The following LIMA1 variants were observed in gnomAD, a reference collection of about 807,000 sequenced individuals.
LIMA1 encodes LIM domain and actin binding 1, also known as LIM domain and actin-binding protein 1.
Under a neutral mutation model 62.6 loss-of-function variants are expected in LIMA1, and 52 were observed. The ratio of observed to expected loss-of-function variants is 0.83; its 90% confidence interval spans 0.67 to 1.05. The LOEUF is 1.05. Ranked by LOEUF, LIMA1 falls within the 50% of genes least tolerant of loss-of-function variation. LIMA1 has a pLI of 0.00. For missense variants in LIMA1, 780 were observed against 902.2 expected (o/e 0.86, Z 1.74); for synonymous variants, 302 against 317.8 (o/e 0.95, Z 0.53).
At chr12:50,212,752 A>C (rs1217222331) in intron 4 of LIMA1, among the ~76,000 whole-genome samples, 1 of 152,248 alleles carries the variant, frequency 6.6e-6, no homozygotes, top group African/African-American at 2.4e-5. Flanking sequence ...ATATATAAGA[A>C]TAAACAATAA....
At chr12:50,266,770 A>T (rs756691615) in intron 1 of LIMA1, among the ~76,000 whole-genome samples, 1 of 152,152 alleles carries the variant, frequency 6.6e-6, no homozygotes, top group Non-Finnish European at 1.5e-5. Flanking sequence ...AGTAATAAGC[A>T]TTATTTTTAT....
At chr12:50,187,143 C>G (rs1290848286) in intron 9 of LIMA1, 1 of 152,194 alleles carries the variant, frequency 6.6e-6, no homozygotes, top group Non-Finnish European at 1.5e-5. Context: ...TGATTACCAT[C>G]TACTTAAAGC....
chr12:50,215,583 C>T (rs538947189), intron 4 of LIMA1, among the ~76,000 whole-genome samples: 4 of 152,066 alleles, frequency 2.6e-5, no homozygotes, highest in Admixed American at 6.5e-5. Context: ...CATTCTCCTG[C>T]CTCAGCCTTC....
intron 4 of LIMA1, among the ~76,000 whole-genome samples, chr12:50,216,358 A>G (rs1008314475): frequency 3.9e-5 from 6 of 151,936 alleles, no homozygotes; most frequent in Admixed American, 3.3e-4. Context: ...GGGATTACAG[A>G]CATGCACCAC....
chr12:50,207,498 G>T (rs1369156211), intron 4 of LIMA1, among the ~76,000 whole-genome samples: 1 of 152,132 alleles, frequency 6.6e-6, no homozygotes, highest in African/African-American at 2.4e-5. Context: ...TATGACAGGA[G>T]ATAAGAATAA....
Position 50,185,501 on chromosome 12 carries a change from T to C in LIMA1, c.1141-3464A>G, listed in dbSNP as rs1201243732. On this transcript the variant is annotated intron_variant, in intron 9 of 10. Transcript: ENST00000341247. ...TGAATACACAGCATTTGGCGTGCCC[T>C]GGAGAGCTTTACTGCAGCTGAGCTG... 5 of 455,904 alleles carry C rather than the reference T, an allele frequency of 1.1e-5. No homozygotes were observed. The Admixed American group carries it at 1.2e-4, about 11-fold the overall frequency. The allele number at this position is 455,904 out of a possible 1,614,324, so 28.2% of individuals were successfully genotyped here. A position where few individuals can be genotyped will look rare whatever the true frequency, so the allele number is the denominator to read the frequency against.
intron 4 of LIMA1, among the ~76,000 whole-genome samples, chr12:50,219,038 C>G (rs1008025179): frequency 5.3e-5 from 8 of 151,860 alleles, no homozygotes; most frequent in Admixed American, 1.3e-4. Context: ...TATAAACACA[C>G]TGAAGTTAAA....
chr12:50,195,744 G>T, intron 8 of LIMA1, 86 bp downstream of exon 8: 1 of 1,304,590 alleles, frequency 7.7e-7, no homozygotes, highest in Non-Finnish European at 1.1e-6. Flanking sequence ...TATTTTCTCA[G>T]CACTGACAGT....
chr12:50,231,850 T>C lies in LIMA1; in HGVS notation c.120-140A>G, dbSNP rs1022337168. 1.3e-4 allele frequency: 92 copies of C among 725,202 alleles called. No individual in the cohort carries two copies. The African/African-American group carries it at 1.4e-3, about 11-fold the overall frequency. 44.9% of individuals were successfully genotyped at this position (725,202 alleles called of 1,614,324 possible). A position where few individuals can be genotyped will look rare whatever the true frequency, so the allele number is the denominator to read the frequency against. On this transcript the variant is annotated intron_variant, in intron 2 of 10. Coordinates refer to ENST00000341247, the MANE Select transcript of LIMA1 (RefSeq NM_016357.5). The stretch of plus-strand genomic sequence containing the variant: ...TGGTGCGATCTCGGCTCACTGCAAC[T>C]TCTACCTCCCGGGTTCGAGTGATTC...
Position 50,196,082 on chromosome 12 carries a change from A to G in LIMA1, c.973-195T>C, listed in dbSNP as rs1592508574. ...CAAAATGTCTTTTATGAGGATATTA[A>G]CATGCCTCTCAATTACAGAGTAACC... On this transcript the variant is annotated intron_variant, in intron 7 of 10. Coordinates refer to ENST00000341247, the MANE Select transcript of LIMA1 (RefSeq NM_016357.5). The G allele has an allele frequency of 9.6e-6, 5 of 521,306 alleles. No homozygotes were observed. The East Asian group carries it at 1.6e-4, about 17-fold the overall frequency. 32.3% of individuals were successfully genotyped at this position (521,306 alleles called of 1,614,324 possible).
chr12:50,218,895 T>C (rs76302273), intron 4 of LIMA1, among the ~76,000 whole-genome samples: 3 of 73,998 alleles, frequency 4.1e-5, no homozygotes, highest in African/African-American at 1.5e-4. Flanking sequence ...CCTATCTCCA[T>C]AAAAAAAAAA....
chr12:50,225,996 G>A (rs1941521546), intron 3 of LIMA1, among the ~76,000 whole-genome samples: 1 of 152,028 alleles, frequency 6.6e-6, no homozygotes, highest in African/African-American at 2.4e-5. Flanking sequence ...CATCAGTGAG[G>A]CTAAGCATGT....
At chr12:50,209,932 G>A (rs113590150) in intron 4 of LIMA1, among the ~76,000 whole-genome samples, 8 of 152,166 alleles carry the variant, frequency 5.3e-5, no homozygotes, top group African/African-American at 1.7e-4. Context: ...CAAAGTGCTG[G>A]GATGACAGGC....
intron 1 of LIMA1, among the ~76,000 whole-genome samples, chr12:50,255,490 T>G (rs1416753800): frequency 1.3e-5 from 2 of 149,016 alleles, no homozygotes; most frequent in Non-Finnish European, 3.0e-5. Flanking sequence ...GAGGTTAAGG[T>G]TGCAGTGAGC....
intron 1 of LIMA1, among the ~76,000 whole-genome samples, chr12:50,271,861 G>C (rs1942216249): frequency 6.6e-6 from 1 of 152,022 alleles, no homozygotes; most frequent in Non-Finnish European, 1.5e-5. Flanking sequence ...CTCAGCAAAG[G>C]CCCACCTACA....
chr12:50,176,940 A>G lies in LIMA1; in HGVS notation c.*124T>C, dbSNP rs1940349670. ...TGATTTTAAGAAGGAATTCTTTTCC[A>G]AAGTTACTTCCAAGTAAATTACATT... is the stretch of plus-strand genomic sequence containing the variant. On this transcript the variant is annotated 3_prime_UTR_variant, in exon 11 of 11. Transcript: ENST00000341247. 2 of 763,248 alleles carry G rather than the reference A, an allele frequency of 2.6e-6. No homozygotes were observed. The highest frequency in any genetic ancestry group is 5.8e-5 in the East Asian group (2 of 34,622). The allele number at this position is 763,248 out of a possible 1,614,324, so 47.3% of individuals were successfully genotyped here. A position where few individuals can be genotyped will look rare whatever the true frequency, so the allele number is the denominator to read the frequency against.
intron 1 of LIMA1, among the ~76,000 whole-genome samples, chr12:50,274,601 ATGGT>A (rs1942254496): frequency 6.6e-6 from 1 of 152,008 alleles, no homozygotes; most frequent in South Asian, 2.1e-4. Flanking sequence ...AAAGACAGAC[ATGGT>A]CTCTACTCTC....
intron 2 of LIMA1, among the ~76,000 whole-genome samples, chr12:50,239,816 C>A (rs142458102): frequency 7.7e-4 from 116 of 151,526 alleles, no homozygotes; most frequent in African/African-American, 2.8e-3. Flanking sequence ...GGCAACATGG[C>A]GAGACCCCAT....
At chr12:50,267,130 C>T (rs531534401) in intron 1 of LIMA1, among the ~76,000 whole-genome samples, 62 of 151,448 alleles carry the variant, frequency 4.1e-4, no homozygotes, top group East Asian at 2.0e-3. Context: ...AGTGCAGTTG[C>T]GCAATCTCGG....
Sources: gnomAD v4.1 joint callset for allele counts (sites outside exome capture counted in the v4.1 genomes callset) on GRCh38, gnomAD v4.1.1 for gene constraint, MANE v1.5 for transcripts, NCBI Gene and HGNC (gene_info 2026-07-23, HGNC 2026-07-21) for gene names.